HSD17B4: variants seen among roughly 807,000 people sequenced by gnomAD.
HSD17B4 encodes peroxisomal multifunctional enzyme type 2.
HSD17B4 carries 70 observed loss-of-function variants against 101.0 expected under a neutral mutation model. The ratio of observed to expected loss-of-function variants is 0.69; its 90% CI spans 0.57 to 0.85. HSD17B4 has a LOEUF of 0.85. HSD17B4 is among the 40% of genes least tolerant of loss of function. The pLI is 0.00. For synonymous variants in HSD17B4, 347 were observed against 297.1 expected, an observed-to-expected ratio of 1.17 and a Z score of -1.73; for missense variants, 984 against 892.4, an observed-to-expected ratio of 1.10 and a Z score of -1.31.
intron 17 of HSD17B4, among the ~76,000 whole-genome samples, chr5:119,523,147 T>C (rs181482524): frequency 6.6e-4 from 100 of 152,254 alleles, no homozygotes; most frequent in Middle Eastern, 3.4e-3. Flanking sequence ...ATTTTTTTTT[T>C]CGAGGATATG....
At chr5:119,503,663 A>T (rs542352571) in intron 14 of HSD17B4, among the ~76,000 whole-genome samples, 45 of 152,068 alleles carry the variant, frequency 3.0e-4, no homozygotes, top group Non-Finnish European at 5.6e-4. Context: ...TGGTAGTGTC[A>T]TAGGCTGACT....
At chr5:119,540,149 A>T (rs927524594) in intron 23 of HSD17B4, among the ~76,000 whole-genome samples, 3 of 152,112 alleles carry the variant, frequency 2.0e-5, no homozygotes, top group African/African-American at 7.2e-5. Context: ...TTCTTCCTTT[A>T]TGGCAGTTTA....
intron 2 of HSD17B4, among the ~76,000 whole-genome samples, chr5:119,461,881 C>T (rs1755278151): frequency 1.3e-5 from 2 of 151,936 alleles, no homozygotes; most frequent in African/African-American, 4.8e-5. Context: ...TACCCTGTCT[C>T]AAGAAAAAAC....
At chr5:119,499,185 G>T (rs1750922973) in intron 12 of HSD17B4, 132 bp from the exon 13 acceptor site, 1 of 648,792 alleles carries the variant, frequency 1.5e-6, no homozygotes, top group Non-Finnish European at 2.7e-6. Flanking sequence ...AAATATAATT[G>T]CAATAATTAT....
At chr5:119,460,117 C>T (rs112289317) in intron 2 of HSD17B4, among the ~76,000 whole-genome samples, 16,392 of 151,872 alleles carry the variant, frequency 0.11, 1,074 homozygotes, top group South Asian at 0.15. Flanking sequence ...CCTCGTGATC[C>T]GCCCGCCTCG....
At chr5:119,478,480 A>G (rs1475443056) in intron 7 of HSD17B4, among the ~76,000 whole-genome samples, 1 of 152,164 alleles carries the variant, frequency 6.6e-6, no homozygotes, top group African/African-American at 2.4e-5. Flanking sequence ...ATTATTCAGA[A>G]AGGGAGAGAG....
intron 13 of HSD17B4, among the ~76,000 whole-genome samples, chr5:119,500,774 A>G (rs963470879): frequency 2.0e-5 from 3 of 152,162 alleles, no homozygotes; most frequent in African/African-American, 7.2e-5. Flanking sequence ...TATGAGGAGT[A>G]TCATGAGAAT....
At chr5:119,481,206 G>A (rs928235802) in intron 8 of HSD17B4, among the ~76,000 whole-genome samples, 4 of 152,156 alleles carry the variant, frequency 2.6e-5, no homozygotes, top group Admixed American at 1.3e-4. Context: ...TACAATTTAT[G>A]TTTAGAGATT....
intron 17 of HSD17B4, among the ~76,000 whole-genome samples, chr5:119,517,187 C>T (rs981385678): frequency 6.6e-6 from 1 of 152,214 alleles, no homozygotes; most frequent in African/African-American, 2.4e-5. Flanking sequence ...CTTGGCGGGC[C>T]CGGCACTCAG....
intron 2 of HSD17B4, among the ~76,000 whole-genome samples, chr5:119,463,430 C>G (rs1755463983): frequency 6.6e-6 from 1 of 151,424 alleles, no homozygotes; most frequent in Non-Finnish European, 1.5e-5. Context: ...GAATAACCTC[C>G]ATACTATTTT....
At chr5:119,472,342 A>G (rs777975335) in intron 2 of HSD17B4, 1 of 152,168 alleles carries the variant, frequency 6.6e-6, no homozygotes, top group Non-Finnish European at 1.5e-5. Flanking sequence ...TATGACATCT[A>G]TCCTCTTCAC....
intron 22 of HSD17B4, among the ~76,000 whole-genome samples, 164 bp downstream of exon 22, chr5:119,531,568 GGTGTGT>G (rs57579065): frequency 4.3e-5 from 5 of 116,398 alleles, no homozygotes; most frequent in Admixed American, 1.9e-4. Context: ...TCCAAAGGGG[GGTGTGT>G]GTGTGTGTGT....
chr5:119,452,972 A>G (rs766018772), intron 1 of HSD17B4, among the ~76,000 whole-genome samples: 2 of 152,166 alleles, frequency 1.3e-5, no homozygotes, highest in Non-Finnish European at 2.9e-5. Flanking sequence ...TCCTGCAATT[A>G]ACTCTCTTAG....
intron 7 of HSD17B4, among the ~76,000 whole-genome samples, chr5:119,478,300 C>T (rs1209740841): frequency 6.6e-6 from 1 of 152,078 alleles, no homozygotes; most frequent in Non-Finnish European, 1.5e-5. Context: ...TCATACATAC[C>T]TAATAGAAGC....
In HSD17B4 at chr5:119,530,864, C is replaced by CAA. The variant is rs1450884242; in HGVS notation, c.1855-397_1855-396dup. On this transcript the variant is annotated intron_variant, in intron 21 of 23. Transcript: ENST00000510025. The stretch of plus-strand genomic sequence containing the variant: ...CTGTCTCAAAAAAAAAAAAAAAAAA[C>CAA]AAAAAACAAAAAAAACCCAAAACTT... Among the ~76,000 whole-genome samples, 539 of 100,516 alleles carry CAA rather than the reference C, an allele frequency of 5.4e-3. 5 individuals carry two copies. Among genetic ancestry groups the CAA allele is most frequent in the Middle Eastern group, 0.011 (2 of 174 alleles). 65.9% of individuals were successfully genotyped at this position (100,516 alleles called of 152,430 possible). A position where few individuals can be genotyped will look rare whatever the true frequency, so the allele number is the denominator to read the frequency against.
At chr5:119,484,535 G>GAA (rs1749439872) in intron 8 of HSD17B4, among the ~76,000 whole-genome samples, 2 of 152,058 alleles carry the variant, frequency 1.3e-5, no homozygotes, top group African/African-American at 4.8e-5. Context: ...AGTTGACTAT[G>GAA]GAGAACTGTG....
At chr5:119,515,969 A>T (rs1752579079) in intron 17 of HSD17B4, among the ~76,000 whole-genome samples, 2 of 152,150 alleles carry the variant, frequency 1.3e-5, no homozygotes, top group Non-Finnish European at 2.9e-5. Flanking sequence ...CATGACACAC[A>T]ATTATCTATG....
intron 17 of HSD17B4, among the ~76,000 whole-genome samples, chr5:119,519,931 A>G (rs1752965626): frequency 6.6e-6 from 1 of 152,324 alleles, no homozygotes; most frequent in East Asian, 1.9e-4. Flanking sequence ...AATCTGAGAT[A>G]TTACTGACAG....
intron 17 of HSD17B4, among the ~76,000 whole-genome samples, chr5:119,519,520 A>G (rs1469403736): frequency 6.6e-6 from 1 of 152,192 alleles, no homozygotes; most frequent in East Asian, 1.9e-4. Flanking sequence ...AGCTGTAGAG[A>G]AATCATGGAT....
Sources: gnomAD v4.1 joint callset for allele counts (sites outside exome capture counted in the v4.1 genomes callset) on GRCh38, gnomAD v4.1.1 for gene constraint, MANE v1.5 for transcripts, NCBI Gene and HGNC (gene_info 2026-07-23, HGNC 2026-07-21) for gene names.